Variants in C8orf34 observed in about 807,000 individuals in gnomAD.
C8orf34 encodes chromosome 8 open reading frame 34, also known as uncharacterized protein C8orf34.
A neutral mutation model predicts 68.3 loss-of-function variants in C8orf34; 65 were observed. That is an observed-to-expected ratio of 0.95 (90% CI 0.78 to 1.17). C8orf34 has a LOEUF of 1.17. C8orf34 is among the 50% of genes most tolerant of loss of function. C8orf34 has a pLI of 0.00. For synonymous variants in C8orf34, 244 were observed against 241.2 expected, an observed-to-expected ratio of 1.01 and a Z score of -0.11; for missense variants, 664 against 655.4, an observed-to-expected ratio of 1.01 and a Z score of -0.14.
At chr8:68,505,037 A>G (rs1174647657) in intron 5 of C8orf34, among the ~76,000 whole-genome samples, 1 of 151,290 alleles carries the variant, frequency 6.6e-6, no homozygotes, top group African/African-American at 2.4e-5. Flanking sequence ...CTAGTCTCGA[A>G]CTCTTGACCT....
chr8:68,772,185 G>A (rs1259322156), intron 10 of C8orf34, among the ~76,000 whole-genome samples: 1 of 152,126 alleles, frequency 6.6e-6, no homozygotes, highest in Non-Finnish European at 1.5e-5. Flanking sequence ...GGTAGAAGTA[G>A]GTTTCTCATG....
At chr8:68,538,705 G>A (rs575659688) in intron 7 of C8orf34, among the ~76,000 whole-genome samples, 3 of 152,054 alleles carry the variant, frequency 2.0e-5, no homozygotes, top group African/African-American at 4.8e-5. Flanking sequence ...AAGAGGTAAA[G>A]CTATATGTTT....
At chr8:68,405,012 T>C (rs1462944464) in intron 1 of C8orf34, among the ~76,000 whole-genome samples, 1 of 152,212 alleles carries the variant, frequency 6.6e-6, no homozygotes, top group Non-Finnish European at 1.5e-5. Flanking sequence ...TGTAATGTTT[T>C]TCCATTTGTT....
intron 8 of C8orf34, among the ~76,000 whole-genome samples, chr8:68,678,184 A>T (rs1342119833): frequency 1.3e-5 from 2 of 151,222 alleles, no homozygotes; most frequent in African/African-American, 4.9e-5. Context: ...TCTAAAAAAT[A>T]GACGATGGAA....
At chr8:68,727,459 G>T (rs576785780) in intron 10 of C8orf34, among the ~76,000 whole-genome samples, 12 of 152,246 alleles carry the variant, frequency 7.9e-5, no homozygotes, top group Admixed American at 2.0e-4. Flanking sequence ...TACCATGCTC[G>T]GATCTGGAGG....
intron 1 of C8orf34, among the ~76,000 whole-genome samples, chr8:68,338,348 G>A (rs1563630479): frequency 6.6e-6 from 1 of 152,150 alleles, no homozygotes; most frequent in Non-Finnish European, 1.5e-5. Context: ...AGCATATGTA[G>A]TGAAAACGTT....
At chr8:68,567,577 C>CTTTTTTT (rs1160845483) in intron 7 of C8orf34, among the ~76,000 whole-genome samples, 462 of 29,830 alleles carry the variant, frequency 0.015, 87 homozygotes, top group Middle Eastern at 0.033. Context: ...TTTCATTTAT[C>CTTTTTTT]TTTTTTTTTT....
In C8orf34 at chr8:68,331,093, C is replaced by T; in HGVS notation, c.81C>T (p.Arg27=). The T allele has an allele frequency of 6.7e-7, 1 of 1,489,286 alleles. No individual in the cohort carries two copies. The highest frequency in any genetic ancestry group is 8.9e-7 in the Non-Finnish European group (1 of 1,129,812). The allele number at this position is 1,489,286 out of a possible 1,614,324, so 92.3% of individuals were successfully genotyped here. ...PGFRLSAPHA[R]VAPRAATHAR... ...TCCGGCTCTCAGCGCCCCACGCGCG[C>T]GTGGCTCCCCGGGCTGCCACCCACG... The change falls in exon 1 of 14, where the codon CGC becomes CGT. Residue 27 remains arginine, a synonymous_variant. Coordinates refer to ENST00000518698, the MANE Select transcript of C8orf34 (RefSeq NM_052958.4).
intron 8 of C8orf34, among the ~76,000 whole-genome samples, chr8:68,692,934 A>G (rs1248167031): frequency 2.6e-5 from 4 of 152,226 alleles, no homozygotes; most frequent in Non-Finnish European, 5.9e-5. Context: ...TTAAAGATAA[A>G]GAGCTAACTA....
intron 8 of C8orf34, among the ~76,000 whole-genome samples, chr8:68,659,976 T>C (rs1188225803): frequency 2.6e-5 from 4 of 152,132 alleles, no homozygotes; most frequent in South Asian, 2.1e-4. Flanking sequence ...ACAAATAAAT[T>C]TTTTTATTCT....
At chr8:68,742,547 C>A (rs1822333583) in intron 10 of C8orf34, among the ~76,000 whole-genome samples, 1 of 152,142 alleles carries the variant, frequency 6.6e-6, no homozygotes, top group South Asian at 2.1e-4. Context: ...TCCTTTCTCC[C>A]CATTTCTAAA....
chr8:68,465,501 C>T (rs7844669), intron 3 of C8orf34, among the ~76,000 whole-genome samples: 76,092 of 151,340 alleles, frequency 0.5, 19,440 homozygotes, highest in East Asian at 0.69. Context: ...CACATGCACA[C>T]GTATGTTTAT....
chr8:68,580,879 C>T (rs1817043101), intron 7 of C8orf34, among the ~76,000 whole-genome samples: 1 of 152,118 alleles, frequency 6.6e-6, no homozygotes, highest in Admixed American at 6.6e-5. Context: ...TCTTTTTCTA[C>T]TTTAATTCCC....
intron 1 of C8orf34, among the ~76,000 whole-genome samples, chr8:68,389,326 G>A (rs1418847333): frequency 6.6e-6 from 1 of 152,110 alleles, no homozygotes; most frequent in African/African-American, 2.4e-5. Flanking sequence ...GTGGTGATGA[G>A]AATAATACTT....
intron 9 of C8orf34, among the ~76,000 whole-genome samples, chr8:68,713,296 C>T (rs967863717): frequency 6.6e-5 from 10 of 151,768 alleles, no homozygotes; most frequent in African/African-American, 2.4e-4. Flanking sequence ...CTATCCATCC[C>T]AGAAGAAGAA....
At position 68,677,047 on chromosome 8, in the gene C8orf34, A is replaced by G. The variant is rs111808699; in HGVS notation, c.1242-31947A>G. On this transcript the variant is annotated intron_variant, in intron 8 of 13. Coordinates refer to ENST00000518698, the MANE Select transcript of C8orf34 (RefSeq NM_052958.4). ...ACCTGAGAATCATGGGAGCTACAAGATGAGATATGGGTTGGGACACAGAGC... is the reference window on the plus strand; with the variant it reads ...ACCTGAGAATCATGGGAGCTACAAGGTGAGATATGGGTTGGGACACAGAGC... Among the ~76,000 whole-genome samples, 292 of 152,312 alleles carry G rather than the reference A, an allele frequency of 1.9e-3. 2 individuals carry two copies. Among genetic ancestry groups the G allele is most frequent in the African/African-American group, 6.8e-3 (282 of 41,570 alleles).
At chr8:68,427,962 A>G (rs1000193834) in intron 1 of C8orf34, among the ~76,000 whole-genome samples, 3 of 148,176 alleles carry the variant, frequency 2.0e-5, no homozygotes, top group Non-Finnish European at 4.5e-5. Context: ...TATAATATAT[A>G]AAATGTATTC....
chr8:68,729,678 G>A (rs938934206), intron 10 of C8orf34, among the ~76,000 whole-genome samples: 13 of 152,128 alleles, frequency 8.5e-5, no homozygotes, highest in Non-Finnish European at 1.9e-4. Context: ...AGGCTTGACA[G>A]GAAGCATAAA....
At chr8:68,380,687 A>G (rs942751908) in intron 1 of C8orf34, among the ~76,000 whole-genome samples, 7 of 152,252 alleles carry the variant, frequency 4.6e-5, no homozygotes, top group Non-Finnish European at 7.3e-5. Context: ...CCTGAATTCA[A>G]TTGTACAACT....
Sources: gnomAD v4.1 joint callset for allele counts (sites outside exome capture counted in the v4.1 genomes callset) on GRCh38, gnomAD v4.1.1 for gene constraint, MANE v1.5 for transcripts, NCBI Gene and HGNC (gene_info 2026-07-23, HGNC 2026-07-21) for gene names.